TRPM5: variants seen among roughly 807,000 people sequenced by gnomAD.
The protein encoded by TRPM5 is MLSN1 and TRP-related.
Under a neutral mutation model 124.9 loss-of-function variants are expected in TRPM5, and 121 were observed. The observed-to-expected ratio is 0.97, with a 90% CI of 0.84 to 1.13. TRPM5 has a LOEUF of 1.13. Among genes scored for constraint, TRPM5 ranks in the 50% most tolerant of loss-of-function variants. The probability of loss-of-function intolerance (pLI) is 0.00; values close to 1 mark genes in which losing one functional copy is unlikely to be tolerated. For missense variants in TRPM5, 1,643 were observed against 1,589.1 expected, an observed-to-expected ratio of 1.03 and a Z score of -0.58; for synonymous variants, 781 against 700.5, an observed-to-expected ratio of 1.11 and a Z score of -1.81.
intron 4 of TRPM5, among the ~76,000 whole-genome samples, chr11:2,419,920 T>C (rs1468811125): frequency 2.1e-5 from 3 of 141,818 alleles, no homozygotes; most frequent in Admixed American, 6.8e-5. Flanking sequence ...CCGGAGCCTC[T>C]GACCACGGCA....
chr11:2,407,631 C>T, intron 19 of TRPM5, 128 bp downstream of exon 24: 1 of 1,258,218 alleles, frequency 7.9e-7, no homozygotes, highest in Non-Finnish European at 1.1e-6. Context: ...CACCTTCTAT[C>T]TGCCCTGAGG....
intron 22 of TRPM5, 143 bp from the exon 28 acceptor site, chr11:2,405,736 G>A (rs1284174916): frequency 2.0e-5 from 19 of 927,416 alleles, no homozygotes; most frequent in Non-Finnish European, 3.1e-5. Context: ...CACAGGCAGG[G>A]GTGAGTGAGG....
At chr11:2,424,661 C>T (rs375225129), upstream of TRPM5, among the ~76,000 whole-genome samples, 1 of 152,246 alleles carries the variant, frequency 6.6e-6, no homozygotes, top group African/African-American at 2.4e-5. Context: ...ACACCTGGAG[C>T]CCCGAAGCTG....
upstream of TRPM5, among the ~76,000 whole-genome samples, chr11:2,426,618 C>T (rs1845842478): frequency 6.6e-6 from 1 of 152,124 alleles, no homozygotes; most frequent in South Asian, 2.1e-4. Context: ...AATGTGGCTT[C>T]CTGGGCTCCC....
At chr11:2,428,444 T>C in the TRPM5 span, among the ~76,000 whole-genome samples, 1 of 151,946 alleles carries the variant, frequency 6.6e-6, no homozygotes, top group African/African-American at 2.4e-5. This position sits in a 1 kb window ranked among gnomAD's most constrained non-coding sequence, Gnocchi z 4.0. Context: ...GTGAAGGTGA[T>C]GGTGGTGGTG....
intron 22 of TRPM5, 26 bp from the exon 28 acceptor site, chr11:2,405,619 A>C (rs979715272): frequency 1.9e-6 from 3 of 1,552,898 alleles, no homozygotes; most frequent in Non-Finnish European, 2.6e-6. Flanking sequence ...ACGTCCGGGA[A>C]GCTCCAGGGC....
intron 12 of TRPM5, 52 bp downstream of exon 17, chr11:2,414,009 G>GGGGGGGCCCCCCC: frequency 4.3e-5 from 44 of 1,023,684 alleles, no homozygotes; most frequent in Non-Finnish European, 5.4e-5. Flanking sequence ...GGCCCAGCTC[G>GGGGGGGCCCCCCC]CCCGCCCACC....
At chr11:2,435,505 G>A in the TRPM5 span, among the ~76,000 whole-genome samples, 4 of 151,590 alleles carry the variant, frequency 2.6e-5, no homozygotes, top group Admixed American at 6.6e-5. This position sits in a 1 kb window ranked among gnomAD's most constrained non-coding sequence, Gnocchi z 4.1. Context: ...CCCTCCATCC[G>A]TCCATCTGTC....
intron 11 of TRPM5, 129 bp downstream of exon 16, chr11:2,414,586 G>A: frequency 7.7e-7 from 1 of 1,303,738 alleles, no homozygotes; most frequent in South Asian, 1.6e-5. Context: ...CTATGGAGGA[G>A]GCCCCTGAGG....
At chr11:2,441,667 C>T in the TRPM5 span, among the ~76,000 whole-genome samples, 1 of 152,116 alleles carries the variant, frequency 6.6e-6, no homozygotes, top group Non-Finnish European at 1.5e-5. This position sits in a 1 kb window ranked among gnomAD's most constrained non-coding sequence, Gnocchi z 7.2. Context: ...TGGGGGCCTC[C>T]AAGAAGCCTC....
rs776580181 is a variant in TRPM5, at chr11:2,413,020, G to A, written c.2097-8C>T. The A allele has an allele frequency of 6.6e-5, 106 of 1,598,068 alleles. No homozygotes were observed. Among genetic ancestry groups the A allele is most frequent in the Non-Finnish European group, 7.4e-5 (87 of 1,173,552 alleles). On this transcript the variant is annotated splice_polypyrimidine_tract_variant and splice_region_variant and intron_variant, in intron 14 of 23. Coordinates refer to ENST00000155858, the Ensembl canonical transcript of TRPM5. ...TCCACCAGCTCCTCCACCCTGTGCC[G>A]CAGAGAAGTTCGCAGTGGTGAGGCT...
At chr11:2,418,619 AG>A (rs1396264717) in intron 4 of TRPM5, 28 bp from the exon 10 acceptor site, 2 of 1,601,288 alleles carry the variant, frequency 1.2e-6, no homozygotes, top group Non-Finnish European at 8.5e-7. Context: ...GTGAGGCCTG[AG>A]GACCCTCCGC....
At chr11:2,437,851 A>G in the TRPM5 span, among the ~76,000 whole-genome samples, 1 of 152,226 alleles carries the variant, frequency 6.6e-6, no homozygotes, top group Non-Finnish European at 1.5e-5. The surrounding 1 kb of genome is among the most constrained non-coding windows in gnomAD (Gnocchi z 5.6). Flanking sequence ...TAGTTAGGGA[A>G]TAGGTGAGGC....
upstream of TRPM5, among the ~76,000 whole-genome samples, chr11:2,425,375 T>C (rs1474653459): frequency 6.6e-6 from 1 of 152,168 alleles, no homozygotes; most frequent in African/African-American, 2.4e-5. Flanking sequence ...GGCTCCAGCT[T>C]CTGCCTTGGT....
chr11:2,407,382 T>G (rs1333698444), intron 19 of TRPM5, 82 bp from the exon 25 acceptor site: 2 of 1,383,928 alleles, frequency 1.4e-6, no homozygotes, highest in African/African-American at 2.9e-5. Context: ...CTGATTGCTG[T>G]TGGGGAGCCC....
rs969521824 is a variant in TRPM5, at chr11:2,405,936, C to T, written c.3324+83G>A. On this transcript the variant is annotated intron_variant, in intron 22 of 23. Transcript: ENST00000155858. ...GGCCTGCCTCATCTCTGTGAGTGACCGGGCAGGGCTGTGGACCCATCCCAG... is the reference window on the plus strand; with the variant it reads ...GGCCTGCCTCATCTCTGTGAGTGACTGGGCAGGGCTGTGGACCCATCCCAG... 9.1e-5 allele frequency: 114 copies of T among 1,257,462 alleles called. No homozygotes were observed. In the East Asian group the frequency reaches 2.2e-3, roughly 24 times the overall value. The allele number at this position is 1,257,462 out of a possible 1,614,324, so 77.9% of individuals were successfully genotyped here.
chr11:2,414,564 G>T (rs1420262802), intron 11 of TRPM5, 151 bp downstream of exon 16: 2 of 1,174,762 alleles, frequency 1.7e-6, no homozygotes, highest in Non-Finnish European at 2.3e-6. Context: ...AGGCAGAGCC[G>T]TCTGTCCTCT....
chr11:2,439,124 T>C, the TRPM5 span, among the ~76,000 whole-genome samples: 1 of 152,204 alleles, frequency 6.6e-6, no homozygotes, highest in Non-Finnish European at 1.5e-5. Flanking sequence ...TGGCTTGCCA[T>C]ATGCAGAAGA....
the TRPM5 span, among the ~76,000 whole-genome samples, chr11:2,428,624 C>T: frequency 0.016 from 2,381 of 146,566 alleles, 72 homozygotes; most frequent in African/African-American, 0.057. This position sits in a 1 kb window ranked among gnomAD's most constrained non-coding sequence, Gnocchi z 4.0. Context: ...ATGGCATTAC[C>T]GTTGATGAGG....
Sources: allele counts gnomAD v4.1 joint callset (sites outside exome capture counted in the v4.1 genomes callset), GRCh38; gene constraint gnomAD v4.1.1; non-coding constraint Gnocchi (gnomAD v3.1); transcripts MANE v1.5; gene names NCBI Gene and HGNC (gene_info 2026-07-23, HGNC 2026-07-21).